The following TRPM3 variants were observed in gnomAD, a reference collection of about 807,000 sequenced individuals.
TRPM3 encodes the protein long transient receptor potential channel 3.
TRPM3 carries 77 observed loss-of-function variants against 181.2 expected under a neutral mutation model. That is an observed-to-expected ratio of 0.42 (90% confidence interval 0.35 to 0.51). The LOEUF (loss-of-function observed/expected upper bound fraction) is 0.51. Among genes scored for constraint, TRPM3 ranks in the 20% least tolerant of loss-of-function variants. TRPM3 has a pLI of 0.01. For synonymous variants in TRPM3, 745 were observed against 796.4 expected (o/e 0.94, Z 1.09); for missense variants, 1,759 against 2,196.7 (o/e 0.80, Z 3.98).
intron 24 of TRPM3, among the ~76,000 whole-genome samples, chr9:70,551,452 A>G (rs2046430487): frequency 6.6e-6 from 1 of 152,356 alleles, no homozygotes. Flanking sequence ...GAAAACCCTG[A>G]ACAGCAACTG....
chr9:70,966,240 A>G (rs1412410904), intron 1 of TRPM3, among the ~76,000 whole-genome samples: 1 of 152,088 alleles, frequency 6.6e-6, no homozygotes, highest in African/African-American at 2.4e-5. Context: ...AAATCAAGAA[A>G]TAACAGGTGC....
chr9:70,738,841 A>C lies in TRPM3; in HGVS notation c.1272+22760T>G, dbSNP rs181287286. ...AATACAAAAGATCATTCAAGGCTAC[A>C]TGAACACCTTTATGTGCATAAGCTA... On this transcript the variant is annotated intron_variant, in intron 8 of 25. Coordinates refer to ENST00000677713, the MANE Select transcript of TRPM3 (RefSeq NM_001366145.2). 2.0e-3 allele frequency among the ~76,000 whole-genome samples: 307 copies of C among 152,308 alleles called. 1 individual carries two copies. The Middle Eastern group carries it at 0.02, about 10-fold the overall frequency.
At chr9:70,560,527 T>C (rs1355734894) in intron 22 of TRPM3, among the ~76,000 whole-genome samples, 3 of 152,212 alleles carry the variant, frequency 2.0e-5, no homozygotes, top group Non-Finnish European at 4.4e-5. Context: ...CATTTTACAT[T>C]TGAAGTAGGG....
At position 70,635,199 on chromosome 9, in the gene TRPM3, G is replaced by C. The variant is rs537449723; in HGVS notation, c.1632+12C>G. The C allele has an allele frequency of 2.2e-5, 35 of 1,613,546 alleles. No individual in the cohort carries two copies. In the South Asian group the frequency reaches 3.0e-4, roughly 14 times the overall value. On this transcript the variant is annotated intron_variant, in intron 12 of 25. Coordinates refer to ENST00000677713, the MANE Select transcript of TRPM3 (RefSeq NM_001366145.2). ...GACAGGGCCTCCGACCTGCAGTCGAGAGGGTTCTTACCTTTTTGACATCCC... is the reference window on the plus strand; with the variant it reads ...GACAGGGCCTCCGACCTGCAGTCGACAGGGTTCTTACCTTTTTGACATCCC...
At position 71,083,335 on chromosome 9, in the gene TRPM3, C is replaced by T. The variant is rs77728172; in HGVS notation, c.177+37843G>A. ...ACATCACAGTGGGAAAATTTAATAT[C>T]GGAAACAAATGTTCAGAAAGGCAAG... On this transcript the variant is annotated intron_variant, in intron 1 of 25. Transcript: ENST00000677713. Among the ~76,000 whole-genome samples, 37 of 152,100 alleles carry T rather than the reference C, an allele frequency of 2.4e-4. No individual in the cohort carries two copies. In the East Asian group the frequency reaches 7.2e-3, roughly 29 times the overall value.
chr9:70,918,604 G>A (rs1305017271), intron 1 of TRPM3, among the ~76,000 whole-genome samples: 2 of 152,034 alleles, frequency 1.3e-5, no homozygotes, highest in Non-Finnish European at 2.9e-5. Context: ...AAAACTGTGG[G>A]ATACAGCAAA....
At chr9:71,132,466 G>C (rs938523993) in intron 1 of TRPM3, among the ~76,000 whole-genome samples, 1 of 152,122 alleles carries the variant, frequency 6.6e-6, no homozygotes, top group African/African-American at 2.4e-5. Context: ...GGGATCATTC[G>C]GGAGATTAAA....
intron 1 of TRPM3, among the ~76,000 whole-genome samples, chr9:70,936,446 T>C (rs1371525435): frequency 1.3e-5 from 2 of 152,194 alleles, no homozygotes; most frequent in African/African-American, 2.4e-5. Flanking sequence ...TGTTTCATTA[T>C]CAACCCTTTG....
In TRPM3 at chr9:70,618,953, C is replaced by T; in HGVS notation, c.2272G>A (p.Asp758Asn). Residue 758 changes from aspartate (D) to asparagine (N), a missense_variant, in exon 17 of 26, where the codon GAC becomes AAC. Asp to Asn is a conservative substitution (Grantham distance 23). Transcript: ENST00000677713. ...TGGCTGCACGTGTGCGCGATGAAGT[C>T]GCGGTGTTTGGCAGCCACGGCAAGC... The part of the protein sequence containing the change: ...LQLAVAAKHR[D>N]FIAHTCSQML... 1 of 1,613,960 alleles carries T rather than the reference C, an allele frequency of 6.2e-7. No individual in the cohort carries two copies.
chr9:71,027,916 TC>T (rs1257716810), intron 1 of TRPM3, among the ~76,000 whole-genome samples: 1 of 152,224 alleles, frequency 6.6e-6, no homozygotes, highest in South Asian at 2.1e-4. Context: ...CATGAAAACT[TC>T]CCCAACCTAG....
At chr9:71,444,213 C>T (rs532636391) in intron 1 of TRPM3, among the ~76,000 whole-genome samples, 112 of 151,932 alleles carry the variant, frequency 7.4e-4, no homozygotes, top group African/African-American at 2.4e-3. Flanking sequence ...CAATCATTCC[C>T]CTTGAGGACA....
chr9:71,355,337 G>C (rs1300412943), intron 1 of TRPM3, among the ~76,000 whole-genome samples: 2 of 152,124 alleles, frequency 1.3e-5, no homozygotes, highest in East Asian at 1.9e-4. Context: ...AGGGAAATTT[G>C]GATACAGACT....
intron 11 of TRPM3, among the ~76,000 whole-genome samples, chr9:70,638,622 A>G (rs985398502): frequency 7.9e-5 from 12 of 152,154 alleles, no homozygotes; most frequent in Non-Finnish European, 1.6e-4. Flanking sequence ...CTTTTCTTCC[A>G]CTTTATAGCT....
rs555947478 is a variant in TRPM3 at position 70,917,412 on chromosome 9, C to T, written c.178-52901G>A. On this transcript the variant is annotated intron_variant, in intron 1 of 25. Transcript: ENST00000677713. The stretch of plus-strand genomic sequence containing the variant: ...CAAGAGCTCAGTGGGGACACCACCT[C>T]CACCTGCTCAGAAATGAACTCGGCC... 1.2e-5 allele frequency: 10 copies of T among 839,394 alleles called. No individual in the cohort carries two copies. In the East Asian group the frequency reaches 2.5e-4, roughly 21 times the overall value. 52.0% of individuals were successfully genotyped at this position (839,394 alleles called of 1,614,324 possible).
At chr9:71,245,594 T>C (rs1477182062) in intron 1 of TRPM3, among the ~76,000 whole-genome samples, 8 of 152,148 alleles carry the variant, frequency 5.3e-5, no homozygotes, top group Admixed American at 5.2e-4. Context: ...TAAGAATAAA[T>C]TAGTAGTAAG....
Position 70,974,836 on chromosome 9 carries a change from C to T in TRPM3, c.178-110325G>A, listed in dbSNP as rs115859896. 9.6e-3 allele frequency among the ~76,000 whole-genome samples: 1,434 copies of T among 148,888 alleles called. 24 individuals are homozygous for T. Among genetic ancestry groups the T allele is most frequent in the African/African-American group, 0.034 (1,364 of 40,334 alleles). The stretch of plus-strand genomic sequence containing the variant: ...AAAGACAACAATTCAATATTGATTA[C>T]AGTTCCACAGGAGTGATGGAACATC... On this transcript the variant is annotated intron_variant, in intron 1 of 25. Transcript: ENST00000677713.
chr9:71,156,625 T>C (rs550343235), intron 1 of TRPM3, among the ~76,000 whole-genome samples: 43 of 152,218 alleles, frequency 2.8e-4, no homozygotes, highest in Middle Eastern at 3.4e-3. Flanking sequence ...CCCATATAAT[T>C]ATTTTATTGT....
chr9:71,218,319 C>A (rs1048685486), intron 1 of TRPM3, among the ~76,000 whole-genome samples: 3 of 152,118 alleles, frequency 2.0e-5, no homozygotes, highest in African/African-American at 7.2e-5. Flanking sequence ...GTCCAGCGCT[C>A]TCTATATATT....
chr9:71,313,144 T>C (rs767974008), intron 1 of TRPM3, among the ~76,000 whole-genome samples: 2 of 152,118 alleles, frequency 1.3e-5, no homozygotes, highest in Admixed American at 6.6e-5. Flanking sequence ...GCTGTGCATA[T>C]GTGGAGGAAG....
Sources: allele counts gnomAD v4.1 joint callset (sites outside exome capture counted in the v4.1 genomes callset), GRCh38; gene constraint gnomAD v4.1.1; transcripts MANE v1.5; gene names NCBI Gene and HGNC (gene_info 2026-07-23, HGNC 2026-07-21).